GGT5: variants seen among roughly 807,000 people sequenced by gnomAD.
GGT5 encodes the protein gamma-glutamyltransferase 5.
A neutral mutation model predicts 58.1 loss-of-function variants in GGT5; 50 were observed. The ratio of observed to expected loss-of-function variants is 0.86; its 90% CI spans 0.69 to 1.09. GGT5 has a LOEUF of 1.09. Among genes scored for constraint, GGT5 ranks in the 50% least tolerant of loss-of-function variants. GGT5 has a pLI of 0.00. For synonymous variants in GGT5, 370 were observed against 346.1 expected (o/e 1.07, Z -0.77); for missense variants, 800 against 789.4 (o/e 1.01, Z -0.16).
At chr22:24,233,761 G>T in intron 2 of GGT5, 113 bp downstream of exon 2, 1 of 1,102,454 alleles carries the variant, frequency 9.1e-7, no homozygotes, top group Non-Finnish European at 1.4e-6. Context: ...GCAGGGCAGG[G>T]GGCCCAAGAA....
In GGT5 at chr22:24,233,893, G is replaced by A. The variant is rs1408532220; in HGVS notation, c.285C>T (p.Thr95=). ...SMGLGGGVIF[T]IYNVTTGKVE... is the part of the protein sequence containing the mutation. ...GCCCACCTGTTGTCACATTGTAGATGGTGAAGATGACCCCTCCGCCCAGGC... is the reference window on the plus strand; with the variant it reads ...GCCCACCTGTTGTCACATTGTAGATAGTGAAGATGACCCCTCCGCCCAGGC... Residue 95 remains threonine, a synonymous_variant, in exon 2 of 12, where the codon ACC becomes ACT. Coordinates refer to ENST00000327365, the MANE Select transcript of GGT5 (RefSeq NM_004121.5). The A allele has an allele frequency of 6.2e-7, 1 of 1,613,440 alleles. No individual in the cohort carries two copies. Among genetic ancestry groups the A allele is most frequent in the African/African-American group, 1.3e-5 (1 of 74,900 alleles).
chr22:24,219,755 C>T lies in GGT5; in HGVS notation c.*215G>A. ...AGAGGCCTGCGGAGGGATAGAGGGG[C>T]CGGTTCAGGACCACCAGGGGCTCTG... On this transcript the variant is annotated 3_prime_UTR_variant, in exon 12 of 12. Coordinates refer to ENST00000327365, the MANE Select transcript of GGT5 (RefSeq NM_004121.5). The T allele has an allele frequency of 1.8e-6, 1 of 568,178 alleles. No individual in the cohort carries two copies. The allele number at this position is 568,178 out of a possible 1,614,324, so 35.2% of individuals were successfully genotyped here. A position where few individuals can be genotyped will look rare whatever the true frequency, so the allele number is the denominator to read the frequency against.
intron 11 of GGT5, among the ~76,000 whole-genome samples, chr22:24,222,550 G>A (rs1398270770): frequency 6.6e-6 from 1 of 152,160 alleles, no homozygotes; most frequent in South Asian, 2.1e-4. Context: ...GAAGGTCCTT[G>A]GAGGCTTAAA....
At chr22:24,222,966 A>C (rs1226731466) in intron 11 of GGT5, among the ~76,000 whole-genome samples, 3 of 152,088 alleles carry the variant, frequency 2.0e-5, no homozygotes, top group Non-Finnish European at 4.4e-5. Context: ...AGTCCCAGCT[A>C]CTTGGGAGGA....
chr22:24,230,967 T>A (rs953446185), intron 6 of GGT5, among the ~76,000 whole-genome samples: 6 of 152,140 alleles, frequency 3.9e-5, no homozygotes, highest in Middle Eastern at 6.3e-3. Context: ...ACACTAATAT[T>A]AAGCCAGCGC....
At chr22:24,238,876 T>A (rs1601425800) in intron 1 of GGT5, among the ~76,000 whole-genome samples, 1 of 11,106 alleles carries the variant, frequency 9.0e-5, no homozygotes, top group Non-Finnish European at 1.3e-4. Flanking sequence ...ATATATATAA[T>A]ATATATTATA....
At chr22:24,242,725 AGT>A (rs1433083705) in intron 1 of GGT5, 1 of 152,332 alleles carries the variant, frequency 6.6e-6, no homozygotes, top group Non-Finnish European at 1.5e-5. Flanking sequence ...ACCCTGTGGC[AGT>A]GTGGCCAGGG....
chr22:24,226,901 A>G (rs1160527425), intron 6 of GGT5, 134 bp from the exon 7 acceptor site: 1 of 597,544 alleles, frequency 1.7e-6, no homozygotes, highest in African/African-American at 1.9e-5. Context: ...CTTATACAGC[A>G]CAAGAGTGAC....
chr22:24,233,712 G>T, intron 2 of GGT5, 119 bp from the exon 3 acceptor site: 1 of 867,644 alleles, frequency 1.2e-6, no homozygotes, highest in Non-Finnish European at 1.8e-6. Context: ...ACAGGGACAG[G>T]AGTTGACACA....
At chr22:24,243,110 G>T (rs2048369888) in intron 1 of GGT5, 1 of 152,246 alleles carries the variant, frequency 6.6e-6, no homozygotes, top group African/African-American at 2.4e-5. Context: ...CTAGAAATTT[G>T]TGGCAGCAGG....
Position 24,235,050 on chromosome 22 carries a change from CTTTTTTT to C in GGT5, c.174-1053_174-1047del, listed in dbSNP as rs71189232. On this transcript the variant is annotated intron_variant, in intron 1 of 11. Transcript: ENST00000327365. ...CCTCCCCAGCACCTCAAGAAGCCAG[CTTTTTTT>C]TTTTTTTTTTTTTTTTTTTGAGACA... Among the ~76,000 whole-genome samples, 15 of 75,652 alleles carry C rather than the reference CTTTTTTT, an allele frequency of 2.0e-4. No individual in the cohort carries two copies. The East Asian group carries it at 4.5e-3, about 22-fold the overall frequency. 49.6% of individuals were successfully genotyped at this position (75,652 alleles called of 152,430 possible). A position where few individuals can be genotyped will look rare whatever the true frequency, so the allele number is the denominator to read the frequency against.
In GGT5 at chr22:24,232,934, AGCT is replaced by A; in HGVS notation, c.482_484del (p.Gln161del). The A allele has an allele frequency of 6.4e-7, 1 of 1,572,862 alleles. No individual in the cohort carries two copies. The highest frequency in any genetic ancestry group is 1.2e-5 in the South Asian group (1 of 85,730). ...GAGCAGCGCGATGGTGGGCTGGAAC[AGCT>A]GCGCCCAGGGCAGGCGGCCATGGCG... is the stretch of plus-strand genomic sequence containing the variant. On this transcript the variant is annotated inframe_deletion, in exon 4 of 12. Coordinates refer to ENST00000327365, the MANE Select transcript of GGT5 (RefSeq NM_004121.5).
Position 24,220,075 on chromosome 22 carries a change from G to A in GGT5, c.1656C>T (p.Thr552=). Residue 552 remains threonine, a synonymous_variant, in exon 12 of 12, where the codon ACC becomes ACT. Coordinates refer to ENST00000327365, the MANE Select transcript of GGT5 (RefSeq NM_004121.5). ...RGLQDRGQNQ[T]QRPFFLNVVQ... ...CCACGTTCAGGAAGAAGGGCCTCTG[G>A]GTCTGGTTCTGGCCACGGTCTTGGA... is the stretch of plus-strand genomic sequence containing the variant. 6.2e-7 allele frequency: 1 copy of A among 1,614,164 alleles called. No individual in the cohort carries two copies. The highest frequency in any genetic ancestry group is 8.5e-7 in the Non-Finnish European group (1 of 1,180,000).
At chr22:24,226,819 T>C (rs1279306671) in intron 6 of GGT5, 52 bp from the exon 7 acceptor site, 11 of 1,517,826 alleles carry the variant, frequency 7.2e-6, no homozygotes, top group Non-Finnish European at 9.1e-6. Flanking sequence ...TGTAATGGGT[T>C]GAATGTTGCC....
At chr22:24,224,627 A>G (rs1334667993) in intron 11 of GGT5, among the ~76,000 whole-genome samples, 1 of 152,218 alleles carries the variant, frequency 6.6e-6, no homozygotes, top group African/African-American at 2.4e-5. Context: ...TTTCACAAAT[A>G]AAGTTGCAAA....
At chr22:24,236,991 T>A (rs1246027928) in intron 1 of GGT5, among the ~76,000 whole-genome samples, 1 of 149,996 alleles carries the variant, frequency 6.7e-6, no homozygotes, top group Non-Finnish European at 1.5e-5. Flanking sequence ...TCAGGGATTC[T>A]TTTTTTCTTT....
intron 6 of GGT5, among the ~76,000 whole-genome samples, chr22:24,229,338 C>T (rs1363103613): frequency 6.6e-6 from 1 of 151,120 alleles, no homozygotes; most frequent in Non-Finnish European, 1.5e-5. Context: ...ACCCAGGAGG[C>T]AGAGTTTGTA....
At position 24,232,869 on chromosome 22, in the gene GGT5, G is replaced by A. The variant is rs755597807; in HGVS notation, c.550C>T (p.Leu184=). The change falls in exon 4 of 12, where the codon CTG becomes TTG. Residue 184 remains leucine (L), a synonymous_variant. Coordinates refer to ENST00000327365, the MANE Select transcript of GGT5 (RefSeq NM_004121.5). ...HVVAPVLSRF[L]HNSILRPSLQ... ...GAAGGCCGCAGGATGCTGTTGTGCA[G>A]GAAACGGCTGAGGACAGGGGCCACC... 1.1e-5 allele frequency: 18 copies of A among 1,577,694 alleles called. No individual in the cohort carries two copies. The South Asian group carries it at 2.1e-4, about 18-fold the overall frequency.
chr22:24,231,617 T>G (rs988288964), intron 5 of GGT5, 87 bp from the exon 6 acceptor site: 2 of 1,321,558 alleles, frequency 1.5e-6, no homozygotes, highest in South Asian at 2.6e-5. Context: ...CACAATGGGA[T>G]TCCACTCATG....
Sources: gnomAD v4.1 joint callset for allele counts (sites outside exome capture counted in the v4.1 genomes callset) on GRCh38, gnomAD v4.1.1 for gene constraint, MANE v1.5 for transcripts, NCBI Gene and HGNC (gene_info 2026-07-23, HGNC 2026-07-21) for gene names.